LITAF: variants seen among roughly 807,000 people sequenced by gnomAD.
LITAF encodes lipopolysaccharide-induced tumor necrosis factor-alpha factor.
In LITAF, 9 loss-of-function variants were observed where a neutral mutation model predicts 14.5. That is an observed-to-expected ratio of 0.62 (90% CI 0.37 to 1.08). LITAF has a LOEUF of 1.08. Ranked by LOEUF, LITAF falls within the 50% of genes least tolerant of loss-of-function variation. The pLI is 0.01. For missense variants in LITAF, 206 were observed against 213.4 expected (o/e 0.97, Z 0.22); for synonymous variants, 98 against 88.2 (o/e 1.11, Z -0.62).
At chr16:11,568,673 G>GTT (rs374757371) in intron 1 of LITAF, among the ~76,000 whole-genome samples, 13,939 of 114,776 alleles carry the variant, frequency 0.12, 1,218 homozygotes, top group Non-Finnish European at 0.18. Flanking sequence ...GTACACCCTT[G>GTT]TTTTTTTTTG....
intron 3 of LITAF, among the ~76,000 whole-genome samples, chr16:11,630,101 G>A (rs140284714): frequency 1.6e-3 from 251 of 152,308 alleles, no homozygotes; most frequent in African/African-American, 5.4e-3. Flanking sequence ...GGGCACACAG[G>A]ACCCCGGAAG....
At chr16:11,627,909 C>T (rs924918081) in intron 3 of LITAF, among the ~76,000 whole-genome samples, 2 of 148,096 alleles carry the variant, frequency 1.4e-5, no homozygotes, top group Non-Finnish European at 3.0e-5. Context: ...CCCAGCTACT[C>T]GGGAGGCCGA....
chr16:11,577,741 G>A (rs2064664617), intron 1 of LITAF, among the ~76,000 whole-genome samples: 1 of 149,354 alleles, frequency 6.7e-6, no homozygotes, highest in Non-Finnish European at 1.5e-5. Flanking sequence ...TTTGAGACAG[G>A]GTCTCACTCT....
chr16:11,605,978 C>T lies in LITAF; in HGVS notation c.85+27555G>A, dbSNP rs1340829436. Among the ~76,000 whole-genome samples the T allele has an allele frequency of 6.6e-6, 1 of 152,154 alleles. No individual in the cohort carries two copies. Among genetic ancestry groups the T allele is most frequent in the Non-Finnish European group, 1.5e-5 (1 of 68,030 alleles). Reference sequence around the variant, plus strand: ...CCCATTCTTCCTTCAAAGTGTTGCACACACAGGATATGTGATCATTGATTT... The same window carrying T: ...CCCATTCTTCCTTCAAAGTGTTGCATACACAGGATATGTGATCATTGATTT... On this transcript the variant is annotated intron_variant, in intron 3 of 3. Transcript: ENST00000574848. This position sits in a 1 kb window ranked among gnomAD's most constrained non-coding sequence, Gnocchi z 4.7.
upstream of LITAF, among the ~76,000 whole-genome samples, chr16:11,588,991 TTC>T (rs1403449302): frequency 6.6e-6 from 1 of 152,144 alleles, no homozygotes; most frequent in Non-Finnish European, 1.5e-5. Context: ...TCATTTGTTT[TTC>T]TTTCCCCAAC....
chr16:11,600,574 G>C (rs1306308971), upstream of LITAF, among the ~76,000 whole-genome samples: 3 of 152,182 alleles, frequency 2.0e-5, no homozygotes, highest in African/African-American at 7.2e-5. The surrounding 1 kb of genome is among the most constrained non-coding windows in gnomAD (Gnocchi z 4.1). Context: ...CTTTCCTCTA[G>C]CTGGCCCCCA....
intron 2 of LITAF, among the ~76,000 whole-genome samples, chr16:11,554,055 A>G (rs566152662): frequency 6.6e-6 from 1 of 151,942 alleles, no homozygotes; most frequent in Non-Finnish European, 1.5e-5. Flanking sequence ...ACATGACAAG[A>G]CCTCATCTCT....
intron 1 of LITAF, among the ~76,000 whole-genome samples, chr16:11,593,828 C>A (rs1268219450): frequency 1.3e-5 from 2 of 152,098 alleles, no homozygotes; most frequent in Non-Finnish European, 2.9e-5. Flanking sequence ...TGGATCCGTG[C>A]TGAAAGGATT....
upstream of LITAF, among the ~76,000 whole-genome samples, chr16:11,638,056 ATATATATATCTATATATATATCTATATC>A (rs1597379961): frequency 3.1e-5 from 2 of 63,532 alleles, no homozygotes; most frequent in East Asian, 5.1e-4. Context: ...ATATATATCT[ATATATATATCTATATATATATCTATATC>A]TATCTATCTA....
chr16:11,606,322 C>T (rs1290885986), intron 3 of LITAF, among the ~76,000 whole-genome samples: 1 of 151,916 alleles, frequency 6.6e-6, no homozygotes, highest in Non-Finnish European at 1.5e-5. Flanking sequence ...GCACGCACCA[C>T]CATGCCCAGT....
At chr16:11,615,615 C>T (rs34711202) in intron 3 of LITAF, among the ~76,000 whole-genome samples, 48,076 of 152,050 alleles carry the variant, frequency 0.32, 9,665 homozygotes, top group African/African-American at 0.56. Flanking sequence ...TTGCAGTGAA[C>T]CGAGATTGCA....
intron 1 of LITAF, among the ~76,000 whole-genome samples, chr16:11,580,404 C>G (rs924414192): frequency 6.6e-6 from 1 of 151,876 alleles, no homozygotes; most frequent in Non-Finnish European, 1.5e-5. Context: ...ATTACAGATG[C>G]CCACCACCAC....
chr16:11,626,327 T>C (rs994645599), intron 3 of LITAF, among the ~76,000 whole-genome samples: 29 of 151,490 alleles, frequency 1.9e-4, no homozygotes, highest in African/African-American at 7.0e-4. Context: ...TACAGGCTCA[T>C]ACCACCATGC....
chr16:11,604,858 G>C (rs763025530), intron 3 of LITAF, among the ~76,000 whole-genome samples: 1 of 151,422 alleles, frequency 6.6e-6, no homozygotes, highest in Non-Finnish European at 1.5e-5. Context: ...CCCCTGAAAC[G>C]CTGCGTCAAA....
At chr16:11,609,031 C>G (rs900405193) in intron 3 of LITAF, among the ~76,000 whole-genome samples, 4 of 150,798 alleles carry the variant, frequency 2.7e-5, no homozygotes, top group Admixed American at 1.3e-4. Flanking sequence ...ATGTCCAGAA[C>G]AGGCAAATTC....
chr16:11,599,249 CT>C (rs1472426730), upstream of LITAF, among the ~76,000 whole-genome samples: 2 of 152,026 alleles, frequency 1.3e-5, no homozygotes, highest in African/African-American at 4.8e-5. Flanking sequence ...CTCTGGGTAG[CT>C]GGGATTACAG....
chr16:11,592,707 G>A (rs1236949600), intron 1 of LITAF, among the ~76,000 whole-genome samples: 2 of 152,020 alleles, frequency 1.3e-5, no homozygotes, highest in East Asian at 3.9e-4. Context: ...AAACCACAAC[G>A]AGATACCTCT....
intron 3 of LITAF, among the ~76,000 whole-genome samples, chr16:11,631,118 A>G (rs1178159781): frequency 6.6e-6 from 1 of 152,176 alleles, no homozygotes; most frequent in Non-Finnish European, 1.5e-5. Context: ...AGGGCTGCAG[A>G]AAATAAATAA....
At chr16:11,622,947 A>AATAT (rs56677620) in intron 3 of LITAF, among the ~76,000 whole-genome samples, 2,841 of 145,296 alleles carry the variant, frequency 0.02, 100 homozygotes, top group African/African-American at 0.066. Context: ...TCATATAATG[A>AATAT]ATATATATAT....
Sources: allele counts gnomAD v4.1 joint callset (sites outside exome capture counted in the v4.1 genomes callset), GRCh38; gene constraint gnomAD v4.1.1; non-coding constraint Gnocchi (gnomAD v3.1); transcripts MANE v1.5; gene names NCBI Gene and HGNC (gene_info 2026-07-23, HGNC 2026-07-21).